The following EYS variants were observed in gnomAD, a reference collection of about 807,000 sequenced individuals.
The protein encoded by EYS is EGF-like photoreceptor maintenance factor.
Under a neutral mutation model 282.1 loss-of-function variants are expected in EYS, and 250 were observed. That is an observed-to-expected ratio of 0.89 (90% CI 0.80 to 0.98). EYS has a LOEUF of 0.98. EYS is among the 50% of genes least tolerant of loss of function. The pLI is 0.00. For synonymous variants in EYS, 1,355 were observed against 1,282.9 expected (o/e 1.06, Z -1.20); for missense variants, 4,016 against 3,709.0 (o/e 1.08, Z -2.15).
At chr6:64,065,840 C>T (rs1460125148) in intron 33 of EYS, among the ~76,000 whole-genome samples, 1 of 152,148 alleles carries the variant, frequency 6.6e-6, no homozygotes. Context: ...ATTTGTAGTT[C>T]ATTCCACCAA....
At chr6:64,040,626 A>G (rs1330150754) in intron 33 of EYS, among the ~76,000 whole-genome samples, 1 of 152,258 alleles carries the variant, frequency 6.6e-6, no homozygotes, top group Non-Finnish European at 1.5e-5. Context: ...CCTAGACCCA[A>G]GATTGAAAAA....
chr6:65,399,343 G>T (rs1330039123), intron 7 of EYS, among the ~76,000 whole-genome samples: 1 of 151,666 alleles, frequency 6.6e-6, no homozygotes, highest in Non-Finnish European at 1.5e-5. Flanking sequence ...TCATGTCACC[G>T]CCCAAGTCAA....
At chr6:65,609,777 A>G (rs1370797686) in intron 2 of EYS, among the ~76,000 whole-genome samples, 1 of 152,202 alleles carries the variant, frequency 6.6e-6, no homozygotes, top group African/African-American at 2.4e-5. Context: ...TCAAATGCAT[A>G]ATATGAATAT....
intron 31 of EYS, among the ~76,000 whole-genome samples, chr6:64,192,357 G>A (rs886480486): frequency 8.5e-5 from 13 of 152,052 alleles, no homozygotes; most frequent in African/African-American, 2.9e-4. Flanking sequence ...GTCAATTTTG[G>A]CTTTTGTTGC....
chr6:64,660,322 G>GT (rs1768952737), intron 22 of EYS, among the ~76,000 whole-genome samples: 8 of 139,614 alleles, frequency 5.7e-5, no homozygotes, highest in African/African-American at 1.6e-4. Flanking sequence ...TTTGAAAACT[G>GT]GCACAAGACA....
At chr6:64,676,322 A>ATCTATATATC (rs547865519) in intron 22 of EYS, among the ~76,000 whole-genome samples, 2 of 146,178 alleles carry the variant, frequency 1.4e-5, no homozygotes, top group Non-Finnish European at 3.0e-5. Flanking sequence ...ATATCTATAT[A>ATCTATATATC]TATATATCTA....
intron 5 of EYS, among the ~76,000 whole-genome samples, chr6:65,406,037 A>G (rs530610479): frequency 6.6e-6 from 1 of 152,226 alleles, no homozygotes; most frequent in Admixed American, 6.5e-5. Context: ...CATTCCCACC[A>G]GTGATGTGTC....
chr6:64,249,909 A>G (rs988553810), intron 30 of EYS, among the ~76,000 whole-genome samples: 2 of 152,220 alleles, frequency 1.3e-5, no homozygotes, highest in South Asian at 4.1e-4. Flanking sequence ...TGCAACCAAT[A>G]AAAGTCAGCC....
intron 2 of EYS, among the ~76,000 whole-genome samples, chr6:65,587,157 A>G (rs962844967): frequency 2.0e-5 from 3 of 152,074 alleles, no homozygotes; most frequent in Non-Finnish European, 4.4e-5. Flanking sequence ...TTTAGATTAT[A>G]GTACAATCCT....
chr6:65,002,164 T>C (rs1286655466), intron 13 of EYS, among the ~76,000 whole-genome samples: 1 of 147,268 alleles, frequency 6.8e-6, no homozygotes, highest in Admixed American at 6.8e-5. Flanking sequence ...CTCTAACTTC[T>C]CTCTCAGCCA....
At chr6:64,235,350 T>A (rs1766564639) in intron 30 of EYS, among the ~76,000 whole-genome samples, 1 of 151,814 alleles carries the variant, frequency 6.6e-6, no homozygotes, top group Non-Finnish European at 1.5e-5. Context: ...TTTGGTTTTT[T>A]GTTCTTGTGA....
chr6:63,961,345 TC>T (rs1440540429), intron 35 of EYS, among the ~76,000 whole-genome samples: 5 of 152,128 alleles, frequency 3.3e-5, no homozygotes, highest in Admixed American at 2.0e-4. Context: ...GTGATTTGTT[TC>T]TGCCCCCCTT....
At chr6:64,528,273 T>A (rs1777988582) in intron 26 of EYS, among the ~76,000 whole-genome samples, 1 of 151,900 alleles carries the variant, frequency 6.6e-6, no homozygotes, top group Non-Finnish European at 1.5e-5. Flanking sequence ...CCTATATCAT[T>A]TATCTACCAG....
chr6:64,633,904 C>A (rs953062453), intron 22 of EYS, among the ~76,000 whole-genome samples: 1 of 152,152 alleles, frequency 6.6e-6, no homozygotes, highest in African/African-American at 2.4e-5. Flanking sequence ...CTGAAATATA[C>A]TAAGCCAGCA....
intron 40 of EYS, 194 bp downstream of exon 40, chr6:63,777,812 G>A (rs955789493): frequency 2.0e-5 from 11 of 541,382 alleles, no homozygotes; most frequent in Non-Finnish European, 3.6e-5. Flanking sequence ...GAACTAAGAT[G>A]GCATAAATGC....
chr6:64,641,031 G>C lies in EYS; in HGVS notation c.3444-14786C>G, dbSNP rs114575695. Among the ~76,000 whole-genome samples, 752 of 152,254 alleles carry C rather than the reference G, an allele frequency of 4.9e-3. 3 individuals are homozygous for C. Among genetic ancestry groups the C allele is most frequent in the African/African-American group, 0.017 (712 of 41,548 alleles). Reference sequence around the variant, plus strand: ...TAACCAGGTAGGGCAGGCAGAATTTGTTTTTAACTCCAAAGCTATATCTTC... The same window carrying C: ...TAACCAGGTAGGGCAGGCAGAATTTCTTTTTAACTCCAAAGCTATATCTTC... On this transcript the variant is annotated intron_variant, in intron 22 of 42. Coordinates refer to ENST00000503581, the MANE Select transcript of EYS (RefSeq NM_001142800.2).
chr6:64,134,766 A>G (rs555667346), intron 31 of EYS, among the ~76,000 whole-genome samples: 1 of 152,102 alleles, frequency 6.6e-6, no homozygotes, highest in Non-Finnish European at 1.5e-5. Context: ...AGCTCTGCAT[A>G]TTGATCTAGA....
At chr6:64,222,975 T>A (rs1766148042) in intron 31 of EYS, among the ~76,000 whole-genome samples, 2 of 152,044 alleles carry the variant, frequency 1.3e-5, no homozygotes, top group African/African-American at 4.8e-5. Context: ...CATTCTTATA[T>A]ACTCATGTTC....
intron 35 of EYS, among the ~76,000 whole-genome samples, chr6:63,914,481 G>T (rs943351931): frequency 6.6e-6 from 1 of 152,140 alleles, no homozygotes; most frequent in Non-Finnish European, 1.5e-5. Context: ...GGTCAAGGTG[G>T]GCAGATCACC....
Sources: gnomAD v4.1 joint callset for allele counts (sites outside exome capture counted in the v4.1 genomes callset) on GRCh38, gnomAD v4.1.1 for gene constraint, MANE v1.5 for transcripts, NCBI Gene and HGNC (gene_info 2026-07-23, HGNC 2026-07-21) for gene names.